Variants in ADAP1 observed in about 807,000 individuals in gnomAD.
ADAP1 encodes the protein ArfGAP with dual PH domains 1, also known as arf-GAP with dual PH domain-containing protein 1.
ADAP1 carries 31 observed loss-of-function variants against 54.9 expected under a neutral mutation model. That is an observed-to-expected ratio of 0.56 (90% CI 0.42 to 0.76). The LOEUF (loss-of-function observed/expected upper bound fraction) is 0.76, where lower values mean the gene tolerates loss of function less well. ADAP1 is among the 30% of genes least tolerant of loss of function. The probability of loss-of-function intolerance (pLI) is 0.00; values close to 1 mark genes in which losing one functional copy is unlikely to be tolerated. For missense variants in ADAP1, 535 were observed against 512.4 expected (o/e 1.04, Z -0.42); for synonymous variants, 313 against 202.6 (o/e 1.55, Z -4.63).
chr7:950,581 G>C (rs1847243207), intron 1 of ADAP1, among the ~76,000 whole-genome samples: 1 of 152,110 alleles, frequency 6.6e-6, no homozygotes, highest in African/African-American at 2.4e-5. Flanking sequence ...TTGAGGCCAG[G>C]CACGGTGGCT....
chr7:955,312 C>T (rs1356481520), upstream of ADAP1: 1 of 1,550,250 alleles, frequency 6.5e-7, no homozygotes, highest in African/African-American at 1.4e-5. Context: ...GACTCGCGTG[C>T]CCTTCCTCTG....
intron 1 of ADAP1, among the ~76,000 whole-genome samples, chr7:942,763 G>GA (rs1228787541): frequency 4.1e-5 from 1 of 24,664 alleles, no homozygotes; most frequent in Non-Finnish European, 8.4e-5. Context: ...GAGGAAGGGA[G>GA]GAGGAGGAAG....
intron 2 of ADAP1, among the ~76,000 whole-genome samples, chr7:927,988 GGA>G (rs1846443327): frequency 6.6e-6 from 1 of 151,786 alleles, no homozygotes; most frequent in Non-Finnish European, 1.5e-5. Flanking sequence ...AGCTGAGGTG[GGA>G]GGACCCCTTG....
chr7:902,192 C>T (rs1844852139), intron 6 of ADAP1, among the ~76,000 whole-genome samples: 1 of 150,880 alleles, frequency 6.6e-6, no homozygotes, highest in African/African-American at 2.5e-5. Flanking sequence ...GGCGCAGTGG[C>T]TCACACCTGT....
chr7:917,945 A>AT, intron 4 of ADAP1, among the ~76,000 whole-genome samples: 1 of 152,066 alleles, frequency 6.6e-6, no homozygotes, highest in South Asian at 2.1e-4. Context: ...CTAATTTTGC[A>AT]TTTTTTGGTA....
At chr7:906,806 G>C (rs1439308965) in intron 4 of ADAP1, among the ~76,000 whole-genome samples, 2,751 of 44,108 alleles carry the variant, frequency 0.062, 388 homozygotes, top group African/African-American at 0.21. Flanking sequence ...CAGGGGACAT[G>C]GGGGGACATG....
intron 1 of ADAP1, among the ~76,000 whole-genome samples, chr7:942,166 T>TA (rs1846954386): frequency 6.6e-6 from 1 of 152,174 alleles, no homozygotes; most frequent in Non-Finnish European, 1.5e-5. Flanking sequence ...GTGCTAAAGG[T>TA]AAAACCTAAA....
chr7:899,614 C>G, intron 8 of ADAP1, 124 bp from the exon 9 acceptor site: 4 of 1,130,508 alleles, frequency 3.5e-6, no homozygotes, highest in East Asian at 2.6e-5. Context: ...CATTCACTCA[C>G]GCCTGCCGCT....
At chr7:936,525 C>G (rs569209207) in intron 1 of ADAP1, among the ~76,000 whole-genome samples, 1 of 152,234 alleles carries the variant, frequency 6.6e-6, no homozygotes, top group Non-Finnish European at 1.5e-5. Flanking sequence ...TGCTGCTGCA[C>G]GTGTGAAATG....
chr7:899,474 C>T lies in ADAP1; in HGVS notation c.812G>A (p.Arg271Gln), dbSNP rs565446060. ...KTGPKQTEGFRKRWFTMDDRR... is the reference protein window; with the variant it reads ...KTGPKQTEGFQKRWFTMDDRR... Reference sequence around the variant, plus strand: ...GTCATCCATGGTGAACCAGCGCTTCCGGAAGCCTTCCGTTTGCTGTGGGTC... The same window carrying T: ...GTCATCCATGGTGAACCAGCGCTTCTGGAAGCCTTCCGTTTGCTGTGGGTC... Residue 271 changes from arginine (R) to glutamine (Q), a missense_variant, in exon 9 of 11, where the codon CGG (arginine) becomes CAG (glutamine). By Grantham distance (43) the Arg-to-Gln change is conservative. Coordinates refer to ENST00000265846, the MANE Select transcript of ADAP1 (RefSeq NM_006869.4). 18 of 1,613,058 alleles carry T rather than the reference C, an allele frequency of 1.1e-5. No individual in the cohort carries two copies. The highest frequency in any genetic ancestry group is 1.7e-5 in the Admixed American group (1 of 60,006).
chr7:906,622 G>A (rs1368618359), intron 4 of ADAP1, among the ~76,000 whole-genome samples: 1 of 81,442 alleles, frequency 1.2e-5, no homozygotes, highest in Non-Finnish European at 2.4e-5. Flanking sequence ...AAAGGGAAAG[G>A]AGAAAGGAGA....
At chr7:905,473 A>T (rs1845140908) in intron 4 of ADAP1, 1 of 120,144 alleles carries the variant, frequency 8.3e-6, no homozygotes, top group Non-Finnish European at 1.6e-5. Context: ...AGAAAGGAGA[A>T]AGGGAAAGGA....
At chr7:940,538 A>G (rs1387672949) in intron 1 of ADAP1, among the ~76,000 whole-genome samples, 1 of 152,216 alleles carries the variant, frequency 6.6e-6, no homozygotes, top group Admixed American at 6.5e-5. Flanking sequence ...AAAATTTAAA[A>G]GATGGATACT....
At chr7:905,616 AGAAAGGGAAAGGAGAAAGG>A (rs1562912432) in intron 4 of ADAP1, 8 of 108,870 alleles carry the variant, frequency 7.3e-5, no homozygotes, top group African/African-American at 1.5e-4. Context: ...AGGAGAAAGG[AGAAAGGGAAAGGAGAAAGG>A]GAAAGGAGAA....
chr7:910,403 CCACACCCGG>C (rs1487067166), intron 4 of ADAP1, among the ~76,000 whole-genome samples: 2 of 152,118 alleles, frequency 1.3e-5, no homozygotes, highest in Non-Finnish European at 2.9e-5. Context: ...ATGCACGCCA[CCACACCCGG>C]CTAAGTTCTG....
At chr7:934,697 C>T (rs1185373008) in intron 2 of ADAP1, among the ~76,000 whole-genome samples, 5 of 152,276 alleles carry the variant, frequency 3.3e-5, no homozygotes, top group East Asian at 1.9e-4. Flanking sequence ...CCCTTCCTGC[C>T]GCCTCCAGCA....
chr7:930,607 C>T (rs2128107660), intron 2 of ADAP1, among the ~76,000 whole-genome samples: 1 of 151,630 alleles, frequency 6.6e-6, no homozygotes, highest in Admixed American at 6.6e-5. Context: ...TCACCTGAGG[C>T]CAAGAGTTCA....
rs1490802763 is a variant in ADAP1 at position 901,018 on chromosome 7, T to C, written c.649-402A>G. ...TATTTTTATGAAGATCCTTATTTTGTAGCTCAAGCAAGTCTTGGGGTGGTG... is the reference window on the plus strand; with the variant it reads ...TATTTTTATGAAGATCCTTATTTTGCAGCTCAAGCAAGTCTTGGGGTGGTG... On this transcript the variant is annotated intron_variant, in intron 6 of 10. Coordinates refer to ENST00000265846, the MANE Select transcript of ADAP1 (RefSeq NM_006869.4). 1.9e-5 allele frequency: 9 copies of C among 476,300 alleles called. No homozygotes were observed. The Admixed American group carries it at 2.1e-4, about 11-fold the overall frequency. 29.5% of individuals were successfully genotyped at this position (476,300 alleles called of 1,614,324 possible).
At chr7:919,063 C>T (rs939375588) in intron 4 of ADAP1, among the ~76,000 whole-genome samples, 2 of 152,208 alleles carry the variant, frequency 1.3e-5, no homozygotes, top group Non-Finnish European at 2.9e-5. Flanking sequence ...GGCACTGCCT[C>T]CCAGCGCCCA....
Sources: allele counts gnomAD v4.1 joint callset (sites outside exome capture counted in the v4.1 genomes callset), GRCh38; gene constraint gnomAD v4.1.1; transcripts MANE v1.5; gene names NCBI Gene and HGNC (gene_info 2026-07-23, HGNC 2026-07-21).